SLC5A1: variants seen among roughly 807,000 people sequenced by gnomAD.
SLC5A1 encodes the protein sodium/glucose cotransporter 1.
In SLC5A1, 42 loss-of-function variants were observed where a neutral mutation model predicts 73.5. The ratio of observed to expected loss-of-function variants is 0.57; its 90% CI spans 0.45 to 0.74. The LOEUF is 0.74. Ranked by LOEUF, SLC5A1 falls within the 30% of genes least tolerant of loss-of-function variation. SLC5A1 has a pLI of 0.00. For missense variants in SLC5A1, 634 were observed against 855.4 expected, an observed-to-expected ratio of 0.74 and a Z score of 3.23; for synonymous variants, 300 against 317.4, an observed-to-expected ratio of 0.95 and a Z score of 0.58.
intron 14 of SLC5A1, 76 bp downstream of exon 14, chr22:32,104,967 C>T (rs1488671701): frequency 1.2e-5 from 13 of 1,070,788 alleles, no homozygotes; most frequent in Non-Finnish European, 1.9e-5. Flanking sequence ...GAAGTTCTTC[C>T]CTAAATAATT....
chr22:32,102,480 T>C (rs1194729573), intron 13 of SLC5A1, among the ~76,000 whole-genome samples: 1 of 152,144 alleles, frequency 6.6e-6, no homozygotes, highest in African/African-American at 2.4e-5. Flanking sequence ...CTTAGTTATT[T>C]TAAAATACAG....
chr22:32,084,797 C>A (rs1329249662), intron 8 of SLC5A1, 103 bp from the exon 9 acceptor site: 1 of 1,556,152 alleles, frequency 6.4e-7, no homozygotes, highest in Non-Finnish European at 8.8e-7. Flanking sequence ...CCCAGTGATA[C>A]AGCAGTGCCA....
At chr22:32,109,108 C>T (rs992471628) in intron 14 of SLC5A1, among the ~76,000 whole-genome samples, 10 of 152,088 alleles carry the variant, frequency 6.6e-5, no homozygotes, top group South Asian at 2.1e-4. Flanking sequence ...CAGGAGTTCA[C>T]GGCTGCAGTG....
In SLC5A1 at chr22:32,084,527, T is replaced by G. The variant is rs758063581; in HGVS notation, c.753T>G (p.Phe251Leu). 1.2e-6 allele frequency: 2 copies of G among 1,614,210 alleles called. No homozygotes were observed. The highest frequency in any genetic ancestry group is 1.7e-6 in the Non-Finnish European group (2 of 1,180,032). ...PTIVSDGNTT[F>L]QEKCYTPRAD... The stretch of plus-strand genomic sequence containing the variant: ...TAGTGTCTGATGGCAACACCACCTT[T>G]CAGGAAAAATGCTACACTCCAAGGG... Residue 251 changes from phenylalanine (F) to leucine (L), a missense_variant, in exon 8 of 15, where the codon TTT becomes TTG. By Grantham distance (22) the Phe-to-Leu change is conservative (BLOSUM62 0). Coordinates refer to ENST00000266088, the MANE Select transcript of SLC5A1 (RefSeq NM_000343.4).
chr22:32,077,767 G>A (rs1235500258), intron 5 of SLC5A1, among the ~76,000 whole-genome samples: 1 of 152,078 alleles, frequency 6.6e-6, no homozygotes, highest in Non-Finnish European at 1.5e-5. Context: ...TTCCTAAAAG[G>A]TGAATGCTGT....
intron 1 of SLC5A1, among the ~76,000 whole-genome samples, chr22:32,044,457 G>A (rs1368155686): frequency 6.6e-6 from 1 of 152,182 alleles, no homozygotes; most frequent in African/African-American, 2.4e-5. Context: ...TTAGAGGAGA[G>A]GAAGGTAGGC....
Position 32,108,199 on chromosome 22 carries a change from C to T in SLC5A1, c.1772-1791C>T, listed in dbSNP as rs1036246235. Among the ~76,000 whole-genome samples the T allele has an allele frequency of 2.3e-4, 35 of 151,998 alleles. No individual in the cohort carries two copies. The South Asian group carries it at 3.7e-3, about 16-fold the overall frequency. On this transcript the variant is annotated intron_variant, in intron 14 of 14. Coordinates refer to ENST00000266088, the MANE Select transcript of SLC5A1 (RefSeq NM_000343.4). ...TCGGCTCACTGCAAGCTTCACCTCC[C>T]GGGTTCACGCCATTCTCCTGCCTCA...
rs535557766 is a variant in SLC5A1 at position 32,112,951 on chromosome 22, T to A, written c.*2738T>A. 6.6e-6 allele frequency: 1 copy of A among 152,342 alleles called. No individual in the cohort carries two copies. The highest frequency in any genetic ancestry group is 2.1e-4 in the South Asian group (1 of 4,830). 9.4% of individuals were successfully genotyped at this position (152,342 alleles called of 1,614,324 possible). ...TTAGTCATTTCACAATATGTACATA[T>A]ATAAAAATATGTTGTATGCCATGAG... On this transcript the variant is annotated 3_prime_UTR_variant, in exon 15 of 15. Transcript: ENST00000266088.
intron 5 of SLC5A1, among the ~76,000 whole-genome samples, chr22:32,070,273 C>G (rs1257421852): frequency 9.7e-6 from 1 of 103,212 alleles, no homozygotes; most frequent in Non-Finnish European, 2.0e-5. Flanking sequence ...CCCTCCCCGT[C>G]CCCCCTCCCT....
At chr22:32,109,254 A>G (rs971665107) in intron 14 of SLC5A1, among the ~76,000 whole-genome samples, 1 of 152,110 alleles carries the variant, frequency 6.6e-6, no homozygotes, top group Non-Finnish European at 1.5e-5. Context: ...TGCTGAAAAC[A>G]CAGTGGGCTT....
At chr22:32,084,706 C>T in intron 8 of SLC5A1, 47 bp downstream of exon 8, 1 of 1,561,354 alleles carries the variant, frequency 6.4e-7, no homozygotes, top group Non-Finnish European at 8.8e-7. Context: ...CTCCAGGGCC[C>T]TACAGGAACT....
rs1311477115 is a variant in SLC5A1, at chr22:32,068,032, T to C, written c.372+6T>C. On this transcript the variant is annotated splice_donor_region_variant and intron_variant, in intron 4 of 14. Coordinates refer to ENST00000266088, the MANE Select transcript of SLC5A1 (RefSeq NM_000343.4). ...CCATCTATATTAAGGCTGGGGTAAG[T>C]ATCTGCTCTGTTATTTCATTTCCTG... 1.2e-6 allele frequency: 2 copies of C among 1,613,320 alleles called. No individual in the cohort carries two copies. Among genetic ancestry groups the C allele is most frequent in the Admixed American group, 1.7e-5 (1 of 60,000 alleles).
At chr22:32,060,200 T>TA (rs2093960094) in intron 2 of SLC5A1, among the ~76,000 whole-genome samples, 3 of 136,968 alleles carry the variant, frequency 2.2e-5, no homozygotes, top group Admixed American at 7.1e-5. Flanking sequence ...TATATATATA[T>TA]TTTTTTAAGA....
Position 32,043,439 on chromosome 22 carries a change from C to G in SLC5A1, c.135+23C>G, listed in dbSNP as rs199932081. On this transcript the variant is annotated intron_variant, in intron 1 of 14. Coordinates refer to ENST00000266088, the MANE Select transcript of SLC5A1 (RefSeq NM_000343.4). The surrounding 1 kb of genome is among the most constrained non-coding windows in gnomAD (Gnocchi z 6.5). ...TGGGTATGCAGCGGGTTCTGGGATG[C>G]GGGTGGGGAGGGTGCGCACAGAGGA... 4.3e-6 allele frequency: 7 copies of G among 1,612,000 alleles called. No individual in the cohort carries two copies. The African/African-American group carries it at 9.4e-5, about 22-fold the overall frequency.
intron 12 of SLC5A1, among the ~76,000 whole-genome samples, chr22:32,100,990 C>T (rs2094035323): frequency 6.6e-6 from 1 of 152,100 alleles, no homozygotes; most frequent in Non-Finnish European, 1.5e-5. Context: ...AAAGGGTGCA[C>T]CCACCCTGTG....
chr22:32,076,350 C>T (rs1460649804), intron 5 of SLC5A1, among the ~76,000 whole-genome samples: 1 of 152,200 alleles, frequency 6.6e-6, no homozygotes, highest in Admixed American at 6.5e-5. Context: ...CCTGCCTTAT[C>T]AAGCTCTGAG....
chr22:32,074,968 G>A (rs2093988507), intron 5 of SLC5A1, among the ~76,000 whole-genome samples: 1 of 151,856 alleles, frequency 6.6e-6, no homozygotes, highest in Non-Finnish European at 1.5e-5. Context: ...ATGATCATGG[G>A]TCAATGCAAC....
At chr22:32,048,004 T>C (rs558101634) in intron 1 of SLC5A1, among the ~76,000 whole-genome samples, 3 of 152,052 alleles carry the variant, frequency 2.0e-5, no homozygotes, top group Admixed American at 2.0e-4. Context: ...CTACAAAAAT[T>C]AGCCAGGCGT....
rs571490867 is a variant in SLC5A1, at chr22:32,067,941, G to A, written c.313-26G>A. ...GATGGGCTAAGTTTCCTCCTAATTTGAGTCCACCTTTTGTGTTCATTTCAG... is the reference window on the plus strand; with the variant it reads ...GATGGGCTAAGTTTCCTCCTAATTTAAGTCCACCTTTTGTGTTCATTTCAG... On this transcript the variant is annotated intron_variant, in intron 3 of 14. Coordinates refer to ENST00000266088, the MANE Select transcript of SLC5A1 (RefSeq NM_000343.4). 9.3e-6 allele frequency: 15 copies of A among 1,613,840 alleles called. No individual in the cohort carries two copies. In the East Asian group the frequency reaches 3.3e-4, roughly 36 times the overall value.
Sources: allele counts gnomAD v4.1 joint callset (sites outside exome capture counted in the v4.1 genomes callset), GRCh38; gene constraint gnomAD v4.1.1; non-coding constraint Gnocchi (gnomAD v3.1); transcripts MANE v1.5; gene names NCBI Gene and HGNC (gene_info 2026-07-23, HGNC 2026-07-21).